RSU1: variants seen among roughly 807,000 people sequenced by gnomAD.
RSU1 encodes the protein rsu-1.
In RSU1, 26 loss-of-function variants were observed where a neutral mutation model predicts 31.1. That is an observed-to-expected ratio of 0.84 (90% CI 0.61 to 1.16). The LOEUF (loss-of-function observed/expected upper bound fraction) is 1.16. Ranked by LOEUF, RSU1 falls within the 50% of genes most tolerant of loss-of-function variation. The pLI is 0.00. For missense variants in RSU1, 320 were observed against 339.1 expected (o/e 0.94, Z 0.44); for synonymous variants, 164 against 136.3 (o/e 1.20, Z -1.41).
At chr10:16,671,994 C>T (rs549141551) in intron 8 of RSU1, among the ~76,000 whole-genome samples, 1 of 150,908 alleles carries the variant, frequency 6.6e-6, no homozygotes, top group African/African-American at 2.4e-5. Flanking sequence ...TACAGTTTTG[C>T]AGTTACTTAA....
At chr10:16,658,648 C>T (rs1405154619) in intron 8 of RSU1, among the ~76,000 whole-genome samples, 2 of 152,106 alleles carry the variant, frequency 1.3e-5, no homozygotes, top group African/African-American at 2.4e-5. Context: ...TGCTTGAACC[C>T]GGGAGGTGGA....
chr10:16,601,586 T>A (rs1048532598), intron 8 of RSU1, among the ~76,000 whole-genome samples: 4 of 152,198 alleles, frequency 2.6e-5, no homozygotes. Flanking sequence ...GCAGGTGACT[T>A]CCCTTCCCAG....
At position 16,817,419 on chromosome 10, in the gene RSU1, C is replaced by T. The variant is rs1213233617; in HGVS notation, c.-108G>A. ...CAACACCGGCACTGAACAGCGAACACGCCCTGTCTCGGCGCCCCGCGCAGG... is the reference window on the plus strand; with the variant it reads ...CAACACCGGCACTGAACAGCGAACATGCCCTGTCTCGGCGCCCCGCGCAGG... On this transcript the variant is annotated 5_prime_UTR_variant, in exon 1 of 9. In the 5' UTR this introduces an upstream ATG that the reference lacks. Coordinates refer to ENST00000345264, the MANE Select transcript of RSU1 (RefSeq NM_012425.4). The T allele has an allele frequency of 1.6e-5, 4 of 245,968 alleles. No individual in the cohort carries two copies. The highest frequency in any genetic ancestry group is 1.1e-4 in the East Asian group (1 of 9,268). 15.2% of individuals were successfully genotyped at this position (245,968 alleles called of 1,614,324 possible). A position where few individuals can be genotyped will look rare whatever the true frequency, so the allele number is the denominator to read the frequency against.
chr10:16,736,681 G>GA lies in RSU1; in HGVS notation c.598+15857dup, dbSNP rs539405423. Among the ~76,000 whole-genome samples, 431 of 151,868 alleles carry GA rather than the reference G, an allele frequency of 2.8e-3. 4 individuals carry two copies. Among genetic ancestry groups the GA allele is most frequent in the African/African-American group, 9.4e-3 (391 of 41,434 alleles). On this transcript the variant is annotated intron_variant, in intron 7 of 8. Coordinates refer to ENST00000345264, the MANE Select transcript of RSU1 (RefSeq NM_012425.4). ...GAAAACTAGACATTCAGAGTAAGAGGAAAAAAGTGGCTTACAAACAAAAGA... is the reference window on the plus strand; with the variant it reads ...GAAAACTAGACATTCAGAGTAAGAGGAAAAAAAGTGGCTTACAAACAAAAGA...
intron 8 of RSU1, among the ~76,000 whole-genome samples, chr10:16,607,189 G>C (rs984545773): frequency 1.3e-5 from 2 of 152,100 alleles, no homozygotes; most frequent in South Asian, 2.1e-4. Flanking sequence ...CTTTCGTTCT[G>C]GCTCTGCCAT....
intron 8 of RSU1, among the ~76,000 whole-genome samples, chr10:16,677,878 G>A (rs774123799): frequency 1.1e-4 from 16 of 152,130 alleles, no homozygotes; most frequent in African/African-American, 3.6e-4. Flanking sequence ...CACCACTCAC[G>A]CAGTTTCTAT....
intron 7 of RSU1, among the ~76,000 whole-genome samples, chr10:16,734,554 A>C (rs1270635477): frequency 6.6e-6 from 1 of 152,234 alleles, no homozygotes; most frequent in African/African-American, 2.4e-5. Flanking sequence ...GTGAAAATAT[A>C]TATTGGGGGG....
chr10:16,654,633 T>C (rs1457644561), intron 8 of RSU1, among the ~76,000 whole-genome samples: 2 of 148,978 alleles, frequency 1.3e-5, no homozygotes, highest in Non-Finnish European at 3.0e-5. Context: ...TGCACCACTG[T>C]ATTCCAGCCT....
chr10:16,774,534 C>T (rs544097664), intron 3 of RSU1, among the ~76,000 whole-genome samples: 1 of 152,334 alleles, frequency 6.6e-6, no homozygotes, highest in East Asian at 1.9e-4. Flanking sequence ...CACGCCACCG[C>T]ATTCCAACCT....
intron 8 of RSU1, among the ~76,000 whole-genome samples, chr10:16,602,914 CTCCTA>C (rs1315302141): frequency 6.6e-6 from 1 of 152,180 alleles, no homozygotes; most frequent in Admixed American, 6.5e-5. Flanking sequence ...AGCTTTATTT[CTCCTA>C]GCCGGCGGCT....
intron 8 of RSU1, among the ~76,000 whole-genome samples, chr10:16,690,624 T>C (rs1835528989): frequency 6.6e-6 from 1 of 152,234 alleles, no homozygotes; most frequent in Non-Finnish European, 1.5e-5. Flanking sequence ...CAAGTATCCA[T>C]GTCTCCTCTT....
intron 2 of RSU1, among the ~76,000 whole-genome samples, chr10:16,785,487 T>TATATACAC (rs1564357364): frequency 3.0e-5 from 4 of 131,568 alleles, no homozygotes; most frequent in African/African-American, 1.3e-4. Context: ...TATACATATA[T>TATATACAC]ACATATATAT....
chr10:16,627,888 C>G (rs1490281974), intron 8 of RSU1, among the ~76,000 whole-genome samples: 1 of 152,030 alleles, frequency 6.6e-6, no homozygotes, highest in Non-Finnish European at 1.5e-5. Context: ...CAGTAGCCAC[C>G]CTTCTTTCCG....
intron 8 of RSU1, among the ~76,000 whole-genome samples, chr10:16,647,513 G>A (rs1834594335): frequency 6.6e-6 from 1 of 152,124 alleles, no homozygotes; most frequent in South Asian, 2.1e-4. Context: ...ATTTGTGAAT[G>A]GACAAAGAAA....
At chr10:16,813,713 G>A (rs1445049145) in intron 2 of RSU1, among the ~76,000 whole-genome samples, 1 of 152,166 alleles carries the variant, frequency 6.6e-6, no homozygotes, top group Non-Finnish European at 1.5e-5. Flanking sequence ...CCCCTCCTAT[G>A]TGCTGTACTC....
intron 8 of RSU1, among the ~76,000 whole-genome samples, chr10:16,643,360 A>G (rs1834478414): frequency 6.6e-6 from 1 of 152,252 alleles, no homozygotes; most frequent in Admixed American, 6.5e-5. Flanking sequence ...CAGTACATAA[A>G]TAATGCTCAT....
intron 2 of RSU1, among the ~76,000 whole-genome samples, chr10:16,798,476 C>A (rs1318250616): frequency 6.6e-6 from 1 of 152,084 alleles, no homozygotes; most frequent in Admixed American, 6.5e-5. Flanking sequence ...AGTGAGTTCT[C>A]ATGAGATCTG....
intron 7 of RSU1, among the ~76,000 whole-genome samples, chr10:16,744,911 C>G (rs74499440): frequency 0.019 from 2,930 of 152,262 alleles, 103 homozygotes; most frequent in African/African-American, 0.066. Flanking sequence ...TCTTCTGACC[C>G]TTCCTATGTG....
chr10:16,664,298 G>C (rs1051225301), intron 8 of RSU1, among the ~76,000 whole-genome samples: 2 of 152,190 alleles, frequency 1.3e-5, no homozygotes, highest in African/African-American at 4.8e-5. Flanking sequence ...AATTCAGGGA[G>C]AGCTGCTCAC....
Sources: allele counts gnomAD v4.1 joint callset (sites outside exome capture counted in the v4.1 genomes callset), GRCh38; gene constraint gnomAD v4.1.1; transcripts MANE v1.5; gene names NCBI Gene and HGNC (gene_info 2026-07-23, HGNC 2026-07-21).